The following TMEM244 variants were observed in gnomAD, a reference collection of about 807,000 sequenced individuals.
TMEM244 encodes the protein transmembrane protein 244.
Under a neutral mutation model 15.8 loss-of-function variants are expected in TMEM244, and 13 were observed. That is an observed-to-expected ratio of 0.82 (90% CI 0.53 to 1.30). TMEM244 has a LOEUF of 1.30. Ranked by LOEUF, TMEM244 falls within the 50% of genes most tolerant of loss-of-function variation. The probability of loss-of-function intolerance (pLI) is 0.00; values close to 1 mark genes in which losing one functional copy is unlikely to be tolerated. For missense variants in TMEM244, 161 were observed against 144.9 expected (o/e 1.11, Z -0.57); for synonymous variants, 45 against 48.7 (o/e 0.92, Z 0.32).
chr6:129,835,309 G>T (rs1179572271), intron 3 of TMEM244, among the ~76,000 whole-genome samples: 1 of 151,796 alleles, frequency 6.6e-6, no homozygotes, highest in Non-Finnish European at 1.5e-5. Context: ...GAGATGGGAG[G>T]ATCTCTTGAG....
chr6:129,844,575 G>T (rs562713229), intron 2 of TMEM244, among the ~76,000 whole-genome samples: 1 of 152,296 alleles, frequency 6.6e-6, no homozygotes, highest in Non-Finnish European at 1.5e-5. Context: ...GTCGTGTGCA[G>T]CTGGCCAACC....
At chr6:129,857,213 A>G (rs1383350586) in intron 1 of TMEM244, among the ~76,000 whole-genome samples, 4 of 151,950 alleles carry the variant, frequency 2.6e-5, no homozygotes, top group Non-Finnish European at 5.9e-5. Context: ...TCACCTGTAA[A>G]TAGAGATAGT....
chr6:129,831,437 G>T (rs747934537), intron 4 of TMEM244, 51 bp from the exon 5 acceptor site: 4 of 1,297,990 alleles, frequency 3.1e-6, no homozygotes, highest in Non-Finnish European at 3.3e-6. Context: ...TTTATATTTT[G>T]CTCAAGAAGA....
chr6:129,860,003 ATTC>A (rs1776777330), intron 1 of TMEM244, among the ~76,000 whole-genome samples: 2 of 152,108 alleles, frequency 1.3e-5, no homozygotes, highest in Admixed American at 1.3e-4. Context: ...CATATTCACT[ATTC>A]TTCTAATGTT....
chr6:129,843,869 A>G (rs1776526296), intron 2 of TMEM244, among the ~76,000 whole-genome samples: 1 of 152,186 alleles, frequency 6.6e-6, no homozygotes, highest in Non-Finnish European at 1.5e-5. Context: ...CAGATCAGTC[A>G]TTAGGTGAGA....
At chr6:129,845,881 G>C (rs9321192) in intron 1 of TMEM244, 29 bp from the exon 2 acceptor site, 63,412 of 1,484,350 alleles carry the variant, frequency 0.043, 2,494 homozygotes, top group African/African-American at 0.2. Context: ...TGAGGTCCAA[G>C]AGCCTGGGAT....
In TMEM244 at chr6:129,833,491, G is replaced by A. The variant is rs565307842; in HGVS notation, c.288C>T (p.Val96=). 36 of 1,612,918 alleles carry A rather than the reference G, an allele frequency of 2.2e-5. 1 individual carries two copies. The South Asian group carries it at 3.9e-4, about 17-fold the overall frequency. Residue 96 remains valine, a synonymous_variant, in exon 4 of 5, where the codon GTC becomes GTT. Transcript: ENST00000368143. ...AAGTGATGGCAACATGAAGAATAGTGACTGAAATAGCATAATCCCAAACCC... is the reference window on the plus strand; with the variant it reads ...AAGTGATGGCAACATGAAGAATAGTAACTGAAATAGCATAATCCCAAACCC... ...EEWVWDYAIS[V]TILHVAITST...
chr6:129,858,849 A>G (rs1427162419), intron 1 of TMEM244, among the ~76,000 whole-genome samples: 1 of 151,616 alleles, frequency 6.6e-6, no homozygotes, highest in Non-Finnish European at 1.5e-5. Context: ...GCTGGAGTAC[A>G]GTGACACAAT....
chr6:129,841,572 T>C (rs1316907495), intron 3 of TMEM244, among the ~76,000 whole-genome samples: 2 of 151,922 alleles, frequency 1.3e-5, no homozygotes, highest in Non-Finnish European at 2.9e-5. Context: ...AATATAATAA[T>C]AATAAAAAAG....
At chr6:129,861,043 C>A in intron 1 of TMEM244, 113 bp downstream of exon 1, 1 of 1,192,832 alleles carries the variant, frequency 8.4e-7, no homozygotes, top group Non-Finnish European at 1.2e-6. Flanking sequence ...TGGTACCCAG[C>A]CAAAAGTGAA....
At chr6:129,852,960 G>C (rs1302094522) in intron 1 of TMEM244, among the ~76,000 whole-genome samples, 1 of 152,046 alleles carries the variant, frequency 6.6e-6, no homozygotes, top group African/African-American at 2.4e-5. Flanking sequence ...AGCTCTCTCT[G>C]GGATTCTCTT....
Position 129,833,449 on chromosome 6 carries a change from A to T in TMEM244, c.319+11T>A. ...ACATTTTCCTTGTTTCTGTTATTTT[A>T]TTCTGCTTACCAGTTGAAGTGATGG... On this transcript the variant is annotated intron_variant, in intron 4 of 4. Transcript: ENST00000368143. 6.2e-7 allele frequency: 1 copy of T among 1,605,504 alleles called. No homozygotes were observed. The highest frequency in any genetic ancestry group is 8.5e-7 in the Non-Finnish European group (1 of 1,177,342).
chr6:129,833,411 C>A, intron 4 of TMEM244, 49 bp downstream of exon 4: 1 of 1,579,488 alleles, frequency 6.3e-7, no homozygotes, highest in Non-Finnish European at 8.6e-7. Flanking sequence ...TTATGTCCAA[C>A]ATCTGTTTTA....
intron 3 of TMEM244, among the ~76,000 whole-genome samples, chr6:129,841,567 A>G (rs546066038): frequency 6.6e-5 from 10 of 152,214 alleles, no homozygotes; most frequent in Admixed American, 2.0e-4. Context: ...CTTAAAATAT[A>G]ATAATAATAA....
At chr6:129,834,971 G>T (rs908603956) in intron 3 of TMEM244, among the ~76,000 whole-genome samples, 3 of 152,034 alleles carry the variant, frequency 2.0e-5, no homozygotes, top group Non-Finnish European at 4.4e-5. Context: ...TGTACAAGCT[G>T]CATTCATGTA....
intron 1 of TMEM244, among the ~76,000 whole-genome samples, chr6:129,846,255 A>T (rs1208139990): frequency 6.6e-6 from 1 of 152,214 alleles, no homozygotes; most frequent in East Asian, 1.9e-4. Flanking sequence ...TAAACTTCAA[A>T]TAACATTTTA....
chr6:129,847,259 G>A (rs1170039509), intron 1 of TMEM244, among the ~76,000 whole-genome samples: 1 of 152,068 alleles, frequency 6.6e-6, no homozygotes, highest in Non-Finnish European at 1.5e-5. Context: ...AAAGGTCCCA[G>A]CATTTCACAT....
At chr6:129,832,721 A>G (rs546681369) in intron 4 of TMEM244, among the ~76,000 whole-genome samples, 1 of 152,310 alleles carries the variant, frequency 6.6e-6, no homozygotes, top group South Asian at 2.1e-4. Context: ...AAGGAAACTA[A>G]TGTAAGAGAT....
chr6:129,839,998 T>C (rs1776465664), intron 3 of TMEM244, among the ~76,000 whole-genome samples: 2 of 152,128 alleles, frequency 1.3e-5, no homozygotes, highest in Admixed American at 1.3e-4. Flanking sequence ...AAAATGGCCA[T>C]ACTGCCCAAA....
Sources: gnomAD v4.1 joint callset for allele counts (sites outside exome capture counted in the v4.1 genomes callset) on GRCh38, gnomAD v4.1.1 for gene constraint, MANE v1.5 for transcripts, NCBI Gene and HGNC (gene_info 2026-07-23, HGNC 2026-07-21) for gene names.